MLLT10: variants seen among roughly 807,000 people sequenced by gnomAD.
MLLT10 encodes MLLT10 histone lysine methyltransferase DOT1L cofactor.
Under a neutral mutation model 129.1 loss-of-function variants are expected in MLLT10, and 30 were observed. The observed-to-expected ratio is 0.23, with a 90% CI of 0.17 to 0.32. The LOEUF (loss-of-function observed/expected upper bound fraction) is 0.32. MLLT10 is among the 10% of genes least tolerant of loss of function. MLLT10 has a pLI of 1.00. For missense variants in MLLT10, 1,119 were observed against 1,268.3 expected (o/e 0.88, Z 1.79); for synonymous variants, 490 against 446.4 (o/e 1.10, Z -1.23).
intron 8 of MLLT10, among the ~76,000 whole-genome samples, chr10:21,619,580 C>G (rs941999893): frequency 4.6e-5 from 7 of 152,094 alleles, no homozygotes; most frequent in African/African-American, 1.7e-4. Context: ...CACGTTTAGT[C>G]AAACTTGTTT....
At chr10:21,666,570 G>A (rs1223811425) in intron 9 of MLLT10, among the ~76,000 whole-genome samples, 2 of 151,974 alleles carry the variant, frequency 1.3e-5, no homozygotes, top group Non-Finnish European at 2.9e-5. Flanking sequence ...GGCTGAGGCA[G>A]GAGAATCGTT....
chr10:21,702,862 G>GT (rs1270564839), intron 13 of MLLT10, among the ~76,000 whole-genome samples: 1 of 152,040 alleles, frequency 6.6e-6, no homozygotes, highest in Non-Finnish European at 1.5e-5. Flanking sequence ...GTTGGACCTT[G>GT]TTTTTTAATT....
At chr10:21,738,488 C>A in intron 21 of MLLT10, 5 of 1,288,794 alleles carry the variant, frequency 3.9e-6, no homozygotes, top group Non-Finnish European at 5.1e-6. Flanking sequence ...GACTAAAGGA[C>A]TGTACTTTTT....
intron 3 of MLLT10, among the ~76,000 whole-genome samples, chr10:21,578,596 C>G (rs940321284): frequency 6.6e-6 from 1 of 152,170 alleles, no homozygotes; most frequent in Non-Finnish European, 1.5e-5. Context: ...TTAGCTCTTA[C>G]ATTTAGATCT....
chr10:21,571,198 A>G (rs572648752), intron 3 of MLLT10, among the ~76,000 whole-genome samples: 16 of 152,280 alleles, frequency 1.1e-4, no homozygotes, highest in Admixed American at 5.2e-4. Flanking sequence ...TCTGGATGCT[A>G]TTACCTCTAA....
At chr10:21,616,291 T>TTA (rs1358373184) in intron 7 of MLLT10, among the ~76,000 whole-genome samples, 1 of 152,168 alleles carries the variant, frequency 6.6e-6, no homozygotes, top group East Asian at 1.9e-4. Flanking sequence ...TAGAATTTTC[T>TTA]TATTGCTAAT....
chr10:21,598,582 T>C (rs1366124098), intron 5 of MLLT10, among the ~76,000 whole-genome samples: 1 of 152,172 alleles, frequency 6.6e-6, no homozygotes, highest in East Asian at 1.9e-4. Flanking sequence ...ATTGTTTCTA[T>C]ATCTATGTAG....
At position 21,727,841 on chromosome 10, in the gene MLLT10, A is replaced by G. The variant is rs761402950; in HGVS notation, c.1991-15A>G. 1 of 1,610,260 alleles carries G rather than the reference A, an allele frequency of 6.2e-7. No homozygotes were observed. The highest frequency in any genetic ancestry group is 8.5e-7 in the Non-Finnish European group (1 of 1,176,822). ...TGAGAGTCACTTTATCAGCTCTGAAATATTTACACTACAGATCAAGATCTT... is the reference window on the plus strand; with the variant it reads ...TGAGAGTCACTTTATCAGCTCTGAAGTATTTACACTACAGATCAAGATCTT... On this transcript the variant is annotated splice_polypyrimidine_tract_variant and intron_variant, in intron 15 of 22. Coordinates refer to ENST00000307729, the MANE Select transcript of MLLT10 (RefSeq NM_001195626.3).
chr10:21,628,545 A>T (rs2046689353), intron 8 of MLLT10, among the ~76,000 whole-genome samples: 1 of 148,172 alleles, frequency 6.7e-6, no homozygotes, highest in Non-Finnish European at 1.5e-5. Context: ...AGGTTCAAGC[A>T]GTTCTCCCGC....
At chr10:21,624,927 G>T in intron 8 of MLLT10, 1 of 1,310,320 alleles carries the variant, frequency 7.6e-7, no homozygotes, top group Non-Finnish European at 1.1e-6. Flanking sequence ...TCTACCTCTT[G>T]GAGGTGGTGC....
At chr10:21,683,210 G>A (rs1157509122) in intron 13 of MLLT10, among the ~76,000 whole-genome samples, 2 of 152,122 alleles carry the variant, frequency 1.3e-5, no homozygotes, top group Admixed American at 6.5e-5. Context: ...GGTAGGGGTC[G>A]TTAGGGTGGG....
chr10:21,684,159 C>T (rs571089819), intron 13 of MLLT10, among the ~76,000 whole-genome samples: 5 of 152,136 alleles, frequency 3.3e-5, no homozygotes, highest in African/African-American at 7.2e-5. Flanking sequence ...TGCAGGCGTG[C>T]GCCACCATGC....
At chr10:21,735,301 G>A in intron 21 of MLLT10, 66 bp downstream of exon 21, 1 of 1,291,596 alleles carries the variant, frequency 7.7e-7, no homozygotes, top group South Asian at 1.3e-5. Flanking sequence ...ATTCACTGTG[G>A]GTACAGATTT....
intron 3 of MLLT10, among the ~76,000 whole-genome samples, chr10:21,569,172 ATAGT>A (rs1237834691): frequency 2.6e-5 from 4 of 152,080 alleles, no homozygotes; most frequent in African/African-American, 4.8e-5. Context: ...AGAGTGTTGT[ATAGT>A]TAGTTAGGTC....
At chr10:21,584,081 G>T (rs1454527065) in intron 3 of MLLT10, among the ~76,000 whole-genome samples, 1 of 151,696 alleles carries the variant, frequency 6.6e-6, no homozygotes, top group African/African-American at 2.4e-5. Context: ...GTGTTAGCCA[G>T]ATGGTCTCGA....
intron 13 of MLLT10, among the ~76,000 whole-genome samples, chr10:21,707,437 C>T (rs1462240025): frequency 5.3e-5 from 8 of 152,074 alleles, no homozygotes; most frequent in Admixed American, 2.6e-4. Context: ...GTGATCCGCC[C>T]GTCTCGGCCT....
chr10:21,660,924 A>G (rs2050134929), intron 9 of MLLT10, among the ~76,000 whole-genome samples: 1 of 151,008 alleles, frequency 6.6e-6, no homozygotes, highest in Non-Finnish European at 1.5e-5. Flanking sequence ...CTTTTCTAAT[A>G]TATTCATTCA....
chr10:21,560,490 G>T (rs781679549), intron 3 of MLLT10, among the ~76,000 whole-genome samples: 8 of 152,126 alleles, frequency 5.3e-5, no homozygotes, highest in Non-Finnish European at 1.0e-4. Flanking sequence ...GCATTGAAGT[G>T]CAGTGGCTTA....
At chr10:21,564,054 C>T (rs2039214843) in intron 3 of MLLT10, among the ~76,000 whole-genome samples, 1 of 152,104 alleles carries the variant, frequency 6.6e-6, no homozygotes, top group Non-Finnish European at 1.5e-5. Context: ...CCTCGTGATC[C>T]ACCCGCCTTG....
Sources: gnomAD v4.1 joint callset for allele counts (sites outside exome capture counted in the v4.1 genomes callset) on GRCh38, gnomAD v4.1.1 for gene constraint, MANE v1.5 for transcripts, NCBI Gene and HGNC (gene_info 2026-07-23, HGNC 2026-07-21) for gene names.